The following CTNNA3 variants were observed in gnomAD, a reference collection of about 807,000 sequenced individuals.
CTNNA3 encodes catenin alpha 3, also known as catenin alpha-3.
In CTNNA3, 76 loss-of-function variants were observed where a neutral mutation model predicts 95.7. That is an observed-to-expected ratio of 0.79 (90% CI 0.66 to 0.96). The LOEUF (loss-of-function observed/expected upper bound fraction) is 0.96, where lower values mean the gene tolerates loss of function less well. Ranked by LOEUF, CTNNA3 falls within the 40% of genes least tolerant of loss-of-function variation. The pLI, the probability that CTNNA3 is intolerant of heterozygous loss-of-function variation, is 0.00. For synonymous variants in CTNNA3, 431 were observed against 374.4 expected, an observed-to-expected ratio of 1.15 and a Z score of -1.74; for missense variants, 1,191 against 1,089.8, an observed-to-expected ratio of 1.09 and a Z score of -1.31.
At chr10:67,508,010 TTTG>T (rs1383456346) in intron 5 of CTNNA3, among the ~76,000 whole-genome samples, 2 of 152,124 alleles carry the variant, frequency 1.3e-5, no homozygotes, top group Non-Finnish European at 2.9e-5. Flanking sequence ...ATTTCCTTTT[TTTG>T]TTGTTTGTTT....
chr10:67,218,335 G>C (rs1397936115), intron 6 of CTNNA3, among the ~76,000 whole-genome samples: 1 of 152,102 alleles, frequency 6.6e-6, no homozygotes, highest in Non-Finnish European at 1.5e-5. Context: ...TGTGTATATA[G>C]AGTGTTTCAG....
chr10:67,060,415 C>G (rs1361662236), intron 7 of CTNNA3, among the ~76,000 whole-genome samples: 1 of 152,196 alleles, frequency 6.6e-6, no homozygotes, highest in African/African-American at 2.4e-5. Context: ...AGTATTGAAG[C>G]ACTTTCATGA....
intron 5 of CTNNA3, among the ~76,000 whole-genome samples, chr10:67,393,671 G>A (rs192494867): frequency 8.5e-5 from 13 of 152,178 alleles, no homozygotes; most frequent in South Asian, 6.2e-4. Context: ...AAGTGATAAT[G>A]CAATAATGAT....
chr10:66,314,441 C>T (rs998026000), intron 12 of CTNNA3, among the ~76,000 whole-genome samples: 3 of 150,452 alleles, frequency 2.0e-5, no homozygotes, highest in Admixed American at 2.0e-4. Flanking sequence ...TGTGATTATG[C>T]TCTCATTGAC....
At chr10:67,664,535 T>C (rs986007600) in intron 1 of CTNNA3, among the ~76,000 whole-genome samples, 1 of 152,224 alleles carries the variant, frequency 6.6e-6, no homozygotes, top group African/African-American at 2.4e-5. Flanking sequence ...CTATCCATAA[T>C]ACACCAGAGT....
intron 12 of CTNNA3, among the ~76,000 whole-genome samples, chr10:66,340,610 TA>T (rs1282866301): frequency 1.3e-5 from 2 of 151,776 alleles, no homozygotes; most frequent in Admixed American, 1.3e-4. Flanking sequence ...TAACAGTTAT[TA>T]AGCAATTGCA....
chr10:67,628,567 A>C (rs1401471431), intron 2 of CTNNA3, among the ~76,000 whole-genome samples: 1 of 152,162 alleles, frequency 6.6e-6, no homozygotes, highest in Non-Finnish European at 1.5e-5. Flanking sequence ...GAGAAATAAT[A>C]AACAGGTTTA....
intron 13 of CTNNA3, among the ~76,000 whole-genome samples, chr10:66,165,321 A>G (rs2085070278): frequency 8.5e-5 from 13 of 152,140 alleles, no homozygotes; most frequent in Admixed American, 8.5e-4. Flanking sequence ...GTGGAGGAAG[A>G]GAGGGGAACA....
At chr10:66,246,970 T>A (rs2090355050) in intron 13 of CTNNA3, among the ~76,000 whole-genome samples, 1 of 150,764 alleles carries the variant, frequency 6.6e-6, no homozygotes, top group South Asian at 2.1e-4. Context: ...GGAGAATCAC[T>A]TGAACCCGGG....
chr10:67,042,712 G>A (rs779158174), intron 7 of CTNNA3, among the ~76,000 whole-genome samples: 1 of 152,102 alleles, frequency 6.6e-6, no homozygotes, highest in Non-Finnish European at 1.5e-5. Context: ...GAGGTGGTCA[G>A]CAAGTTTGAT....
chr10:66,683,076 A>G (rs1335468221), intron 9 of CTNNA3, among the ~76,000 whole-genome samples: 1 of 152,158 alleles, frequency 6.6e-6, no homozygotes, highest in Non-Finnish European at 1.5e-5. Flanking sequence ...CCACCCGTCA[A>G]ATAAAGCTTG....
intron 13 of CTNNA3, among the ~76,000 whole-genome samples, chr10:66,199,167 G>A (rs1371595931): frequency 6.6e-6 from 1 of 152,070 alleles, no homozygotes; most frequent in Non-Finnish European, 1.5e-5. Flanking sequence ...CTTCTCGGAG[G>A]AGGCTGGATT....
chr10:66,568,670 A>G (rs907251122), intron 10 of CTNNA3, among the ~76,000 whole-genome samples: 12 of 152,142 alleles, frequency 7.9e-5, no homozygotes, highest in African/African-American at 2.9e-4. Flanking sequence ...TGCTGTCACA[A>G]AGCTAGGGAG....
intron 11 of CTNNA3, among the ~76,000 whole-genome samples, chr10:66,469,127 G>A (rs1839036500): frequency 6.6e-6 from 1 of 151,816 alleles, no homozygotes; most frequent in African/African-American, 2.4e-5. Context: ...CTTGACACAG[G>A]GAGTACAATG....
chr10:66,970,273 T>C (rs573767353), intron 7 of CTNNA3, among the ~76,000 whole-genome samples: 1 of 152,292 alleles, frequency 6.6e-6, no homozygotes, highest in East Asian at 1.9e-4. Context: ...AGGATGGCTA[T>C]TGGGATTTCT....
intron 9 of CTNNA3, among the ~76,000 whole-genome samples, chr10:66,704,989 C>T (rs1848071077): frequency 6.6e-6 from 1 of 152,064 alleles, no homozygotes; most frequent in Non-Finnish European, 1.5e-5. Flanking sequence ...TATTCTTGAT[C>T]TTAAAGTATC....
chr10:66,088,017 T>G (rs2081055376), intron 14 of CTNNA3, among the ~76,000 whole-genome samples: 1 of 152,004 alleles, frequency 6.6e-6, no homozygotes, highest in Admixed American at 6.6e-5. Context: ...TTTTTAAAGA[T>G]TAAGAAAATC....
chr10:67,004,141 A>G (rs1851839532), intron 7 of CTNNA3, among the ~76,000 whole-genome samples: 1 of 152,098 alleles, frequency 6.6e-6, no homozygotes, highest in African/African-American at 2.4e-5. Flanking sequence ...ATGGCTGTGT[A>G]TCAGCCATGT....
chr10:66,609,267 T>C (rs748380252), intron 10 of CTNNA3, among the ~76,000 whole-genome samples: 1 of 150,646 alleles, frequency 6.6e-6, no homozygotes, highest in Non-Finnish European at 1.5e-5. Context: ...TTTCACCATT[T>C]GGCCAGGCTG....
Sources: gnomAD v4.1 joint callset for allele counts (sites outside exome capture counted in the v4.1 genomes callset) on GRCh38, gnomAD v4.1.1 for gene constraint, MANE v1.5 for transcripts, NCBI Gene and HGNC (gene_info 2026-07-23, HGNC 2026-07-21) for gene names.